The following ZFHX3 variants were observed in gnomAD, a reference collection of about 807,000 sequenced individuals.
The protein encoded by ZFHX3 is zinc finger homeobox 3.
In ZFHX3, 42 loss-of-function variants were observed where a neutral mutation model predicts 279.1. The observed-to-expected ratio is 0.15, with a 90% CI of 0.12 to 0.19. ZFHX3 has a LOEUF of 0.19. Among genes scored for constraint, ZFHX3 ranks in the 10% least tolerant of loss-of-function variants. The pLI, the probability that ZFHX3 is intolerant of heterozygous loss-of-function variation, is 1.00. For missense variants in ZFHX3, 4,981 were observed against 4,754.0 expected, an observed-to-expected ratio of 1.05 and a Z score of -1.40; for synonymous variants, 2,293 against 1,957.8, an observed-to-expected ratio of 1.17 and a Z score of -4.52.
chr16:73,071,555 G>A (rs956926511), intron 8 of ZFHX3, among the ~76,000 whole-genome samples: 4 of 152,162 alleles, frequency 2.6e-5, no homozygotes, highest in African/African-American at 9.7e-5. Flanking sequence ...CTCCCAGCCT[G>A]AGACCCGGGG....
chr16:73,347,075 A>C (rs2016137996), intron 3 of ZFHX3, among the ~76,000 whole-genome samples: 1 of 152,220 alleles, frequency 6.6e-6, no homozygotes. Context: ...CCAGATTCAA[A>C]TCTAGGTCTC....
intron 2 of ZFHX3, among the ~76,000 whole-genome samples, chr16:73,456,578 A>T (rs1339298207): frequency 6.6e-6 from 1 of 152,250 alleles, no homozygotes; most frequent in Non-Finnish European, 1.5e-5. Context: ...CTGATAGGCA[A>T]GACCACAGCC....
At chr16:73,073,398 C>T (rs892331098) in intron 8 of ZFHX3, among the ~76,000 whole-genome samples, 1 of 152,220 alleles carries the variant, frequency 6.6e-6, no homozygotes, top group Non-Finnish European at 1.5e-5. Context: ...AAATCCTCTT[C>T]AGATATGCTG....
At chr16:73,334,813 T>C (rs1401113870) in intron 3 of ZFHX3, among the ~76,000 whole-genome samples, 1 of 125,922 alleles carries the variant, frequency 7.9e-6, no homozygotes, top group African/African-American at 3.3e-5. Flanking sequence ...TCTCATTCTT[T>C]TTTTTTTTTT....
chr16:73,162,014 A>G (rs929575950), intron 5 of ZFHX3, among the ~76,000 whole-genome samples: 2 of 152,236 alleles, frequency 1.3e-5, no homozygotes, highest in Non-Finnish European at 2.9e-5. Context: ...AGGCAAGTGG[A>G]GAATGACCAA....
At position 73,634,066 on chromosome 16, in the gene ZFHX3, T is replaced by C. The variant is rs961801219; in HGVS notation, c.-1547+46114A>G. ...TGAAATAATATTCTTGACATTTTTATTTATACAAATGAACAAAATATATTA... is the reference window on the plus strand; with the variant it reads ...TGAAATAATATTCTTGACATTTTTACTTATACAAATGAACAAAATATATTA... On this transcript the variant is annotated intron_variant, in intron 2 of 17. Transcript: ENST00000641206. Among the ~76,000 whole-genome samples, 8 of 152,280 alleles carry C rather than the reference T, an allele frequency of 5.3e-5. No individual in the cohort carries two copies. The South Asian group carries it at 6.2e-4, about 12-fold the overall frequency.
intron 5 of ZFHX3, among the ~76,000 whole-genome samples, chr16:73,233,448 T>A (rs1477562816): frequency 1.3e-5 from 2 of 152,248 alleles, no homozygotes; most frequent in Non-Finnish European, 2.9e-5. Flanking sequence ...ATGTACCTTC[T>A]GATAGCAGGA....
At chr16:73,020,810 C>A (rs1289294361) in intron 1 of ZFHX3, among the ~76,000 whole-genome samples, 2 of 152,280 alleles carry the variant, frequency 1.3e-5, no homozygotes, top group African/African-American at 4.8e-5. Flanking sequence ...TCTGGCTGAA[C>A]TGAGTAAAAC....
At chr16:72,924,779 C>T (rs778034829) in intron 3 of ZFHX3, among the ~76,000 whole-genome samples, 1 of 152,202 alleles carries the variant, frequency 6.6e-6, no homozygotes, top group East Asian at 1.9e-4. Flanking sequence ...TTGTCAGAAA[C>T]CCTTCTCGTT....
chr16:73,653,482 C>G (rs1301419572), intron 2 of ZFHX3, among the ~76,000 whole-genome samples: 1 of 152,088 alleles, frequency 6.6e-6, no homozygotes, highest in South Asian at 2.1e-4. Context: ...AAATATTGTT[C>G]TAAATAACTA....
chr16:72,801,904 G>A lies in ZFHX3; in HGVS notation c.3865-1775C>T, dbSNP rs536219739. Among the ~76,000 whole-genome samples, 5 of 151,912 alleles carry A rather than the reference G, an allele frequency of 3.3e-5. No individual in the cohort carries two copies. In the South Asian group the frequency reaches 1.0e-3, roughly 32 times the overall value. Reference sequence around the variant, plus strand: ...AGGGGGAGCACGAGGTTGGGGGTAAGAGGGGGAGAAAGGGAAAGGAAAAAA... The same window carrying A: ...AGGGGGAGCACGAGGTTGGGGGTAAAAGGGGGAGAAAGGGAAAGGAAAAAA... On this transcript the variant is annotated intron_variant, in intron 7 of 9. Transcript: ENST00000268489.
intron 4 of ZFHX3, among the ~76,000 whole-genome samples, chr16:72,886,419 T>C (rs1044993066): frequency 6.6e-6 from 1 of 152,026 alleles, no homozygotes; most frequent in African/African-American, 2.4e-5. Context: ...ATGCACTAAA[T>C]GAGAGGAACC....
intron 1 of ZFHX3, among the ~76,000 whole-genome samples, chr16:73,736,538 T>C (rs2053611741): frequency 6.6e-6 from 1 of 152,168 alleles, no homozygotes; most frequent in Non-Finnish European, 1.5e-5. Flanking sequence ...TCAAATGATA[T>C]CTGGCAAACA....
chr16:72,943,455 C>T (rs986061470), intron 3 of ZFHX3, among the ~76,000 whole-genome samples: 2 of 152,086 alleles, frequency 1.3e-5, no homozygotes, highest in African/African-American at 4.8e-5. Context: ...ATCACTTGAA[C>T]CCAGAGGCGG....
chr16:73,032,141 T>TA (rs1281848919), intron 1 of ZFHX3, among the ~76,000 whole-genome samples: 1 of 151,840 alleles, frequency 6.6e-6, no homozygotes, highest in African/African-American at 2.4e-5. Flanking sequence ...TACAAAAAAT[T>TA]AAAAAATTAG....
chr16:73,745,773 G>C (rs1425175232), intron 1 of ZFHX3, among the ~76,000 whole-genome samples: 1 of 152,144 alleles, frequency 6.6e-6, no homozygotes, highest in African/African-American at 2.4e-5. Flanking sequence ...TGGTGTTGGT[G>C]TAACTCAAGT....
intron 2 of ZFHX3, among the ~76,000 whole-genome samples, chr16:73,536,447 T>C (rs1217472639): frequency 6.6e-6 from 1 of 152,336 alleles, no homozygotes; most frequent in Non-Finnish European, 1.5e-5. Flanking sequence ...TCACTTTCAT[T>C]ATTCTTGCTG....
intron 2 of ZFHX3, among the ~76,000 whole-genome samples, chr16:73,591,162 C>T (rs1413764918): frequency 1.3e-5 from 2 of 151,520 alleles, no homozygotes; most frequent in Non-Finnish European, 2.9e-5. Flanking sequence ...ATCAGCCTGA[C>T]CAACATGGTG....
chr16:73,782,291 G>C (rs1012040535), intron 1 of ZFHX3, among the ~76,000 whole-genome samples: 1 of 152,198 alleles, frequency 6.6e-6, no homozygotes, highest in African/African-American at 2.4e-5. Flanking sequence ...GACCTACAAG[G>C]CAGAGACCTC....
Sources: allele counts gnomAD v4.1 joint callset (sites outside exome capture counted in the v4.1 genomes callset), GRCh38; gene constraint gnomAD v4.1.1; transcripts MANE v1.5; gene names NCBI Gene and HGNC (gene_info 2026-07-23, HGNC 2026-07-21).